The following RNF220 variants were observed in gnomAD, a reference collection of about 807,000 sequenced individuals.
RNF220 encodes ring finger protein 220, also known as E3 ubiquitin-protein ligase RNF220.
Under a neutral mutation model 67.1 loss-of-function variants are expected in RNF220, and 7 were observed. The observed-to-expected ratio is 0.10, with a 90% CI of 0.06 to 0.20. RNF220 has a LOEUF of 0.20. RNF220 is among the 10% of genes least tolerant of loss of function. RNF220 has a pLI of 1.00. For missense variants in RNF220, 565 were observed against 740.3 expected, an observed-to-expected ratio of 0.76 and a Z score of 2.75; for synonymous variants, 270 against 283.2, an observed-to-expected ratio of 0.95 and a Z score of 0.47.
intron 8 of RNF220, chr1:44,636,588 T>G: frequency 3.2e-6 from 2 of 621,792 alleles, no homozygotes; most frequent in Non-Finnish European, 5.9e-6. Context: ...GCAAACACAT[T>G]GGATTTTCCT....
In RNF220 at chr1:44,518,890, A is replaced by C. The variant is rs1288477406; in HGVS notation, c.626-95275A>C. 5.4e-5 allele frequency among the ~76,000 whole-genome samples: 6 copies of C among 110,500 alleles called. No homozygotes were observed. In the East Asian group the frequency reaches 8.1e-4, roughly 15 times the overall value. The allele number at this position is 110,500 out of a possible 152,430, so 72.5% of individuals were successfully genotyped here. A position where few individuals can be genotyped will look rare whatever the true frequency, so the allele number is the denominator to read the frequency against. On this transcript the variant is annotated intron_variant, in intron 2 of 14. Transcript: ENST00000361799. ...ACTCCGTCTAAAAAACAAAAAAAAC[A>C]AAAAAAAAAAAACTTAATCCTGATT... is the stretch of plus-strand genomic sequence containing the variant.
intron 2 of RNF220, among the ~76,000 whole-genome samples, chr1:44,595,981 G>T (rs1159436150): frequency 6.6e-6 from 1 of 152,076 alleles, no homozygotes; most frequent in African/African-American, 2.4e-5. Flanking sequence ...AGCCAGGATG[G>T]TCTCGATCTC....
rs537462309 is a variant in RNF220, at chr1:44,629,714, G to A, written c.907-2629G>A. Among the ~76,000 whole-genome samples, 5 of 152,098 alleles carry A rather than the reference G, an allele frequency of 3.3e-5. No individual in the cohort carries two copies. In the East Asian group the frequency reaches 7.7e-4, roughly 23 times the overall value. ...AAAAAAAATTAATAATAAAGAATAC[G>A]TTTCTAGGATACTACAGTAGAAGGA... On this transcript the variant is annotated intron_variant, in intron 5 of 14. Coordinates refer to ENST00000361799, the MANE Select transcript of RNF220 (RefSeq NM_018150.4).
At chr1:44,474,613 G>A (rs922341247) in intron 2 of RNF220, among the ~76,000 whole-genome samples, 1 of 151,306 alleles carries the variant, frequency 6.6e-6, no homozygotes, top group Non-Finnish European at 1.5e-5. Flanking sequence ...GGAAGCTGAG[G>A]CAGGAATGTC....
chr1:44,476,448 A>AGAAAGCCAAACCTCCAGAAACAATG lies in RNF220; in HGVS notation c.625+63727_625+63751dup, dbSNP rs1430216787. Among the ~76,000 whole-genome samples the AGAAAGCCAAACCTCCAGAAACAATG allele has an allele frequency of 1.1e-4, 16 of 152,254 alleles. No individual in the cohort carries two copies. In the East Asian group the frequency reaches 1.5e-3, roughly 15 times the overall value. Reference sequence around the variant, plus strand: ...GAAGAAATTTAGAGTTAGAAAAGCCAGAAAGCCAAACCTCCAGAAACAATG... The same window carrying AGAAAGCCAAACCTCCAGAAACAATG: ...GAAGAAATTTAGAGTTAGAAAAGCCAGAAAGCCAAACCTCCAGAAACAATGGAAAGCCAAACCTCCAGAAACAATG... On this transcript the variant is annotated intron_variant, in intron 2 of 14. Coordinates refer to ENST00000361799, the MANE Select transcript of RNF220 (RefSeq NM_018150.4).
At chr1:44,551,361 C>T (rs76713344) in intron 2 of RNF220, among the ~76,000 whole-genome samples, 2,654 of 152,048 alleles carry the variant, frequency 0.017, 73 homozygotes, top group African/African-American at 0.06. Context: ...GTGATCCACC[C>T]GCCTGAGCCT....
At chr1:44,566,318 G>A (rs910671585) in intron 2 of RNF220, among the ~76,000 whole-genome samples, 1 of 152,192 alleles carries the variant, frequency 6.6e-6, no homozygotes, top group African/African-American at 2.4e-5. Flanking sequence ...ACAAGGAAGG[G>A]GGCTGAGGTG....
chr1:44,645,176 C>T lies in RNF220; in HGVS notation c.1311-45C>T. 3 of 1,613,772 alleles carry T rather than the reference C, an allele frequency of 1.9e-6. No individual in the cohort carries two copies. Among genetic ancestry groups the T allele is most frequent in the Non-Finnish European group, 2.5e-6 (3 of 1,179,684 alleles). On this transcript the variant is annotated intron_variant, in intron 10 of 14. Coordinates refer to ENST00000361799, the MANE Select transcript of RNF220 (RefSeq NM_018150.4). This position sits in a 1 kb window ranked among gnomAD's most constrained non-coding sequence, Gnocchi z 5.0. Reference sequence around the variant, plus strand: ...GTACTGACCCTCAGGGCTGTCCTGCCCGCCTTCAGGCCTCACTTTGTTTTT... The same window carrying T: ...GTACTGACCCTCAGGGCTGTCCTGCTCGCCTTCAGGCCTCACTTTGTTTTT...
rs1235721512 is a variant in RNF220 at position 44,621,344 on chromosome 1, T to C, written c.759-1398T>C. Among the ~76,000 whole-genome samples the C allele has an allele frequency of 6.6e-6, 1 of 152,212 alleles. No homozygotes were observed. The highest frequency in any genetic ancestry group is 1.5e-5 in the Non-Finnish European group (1 of 68,034). On this transcript the variant is annotated intron_variant, in intron 3 of 14. Coordinates refer to ENST00000361799, the MANE Select transcript of RNF220 (RefSeq NM_018150.4). This position sits in a 1 kb window ranked among gnomAD's most constrained non-coding sequence, Gnocchi z 4.8. ...TGTTGGCAGAATTATAGAAAGTCTA[T>C]GGGTATATATGTGTGCGCCTTTATA...
At chr1:44,561,131 AC>A (rs1165950435) in intron 2 of RNF220, among the ~76,000 whole-genome samples, 1 of 152,260 alleles carries the variant, frequency 6.6e-6, no homozygotes, top group East Asian at 1.9e-4. Flanking sequence ...ATGATTAGAA[AC>A]AGTGTGATAA....
At chr1:44,483,850 A>G (rs995970978) in intron 2 of RNF220, among the ~76,000 whole-genome samples, 3 of 152,152 alleles carry the variant, frequency 2.0e-5, no homozygotes, top group Non-Finnish European at 2.9e-5. Context: ...TTCTGCCTTG[A>G]GCCTTCCAAA....
chr1:44,584,716 T>G (rs1413122141), intron 2 of RNF220, among the ~76,000 whole-genome samples: 6 of 152,236 alleles, frequency 3.9e-5, no homozygotes, highest in Admixed American at 3.9e-4. Flanking sequence ...TTTTTTCTTT[T>G]GAGACTGAGT....
intron 2 of RNF220, among the ~76,000 whole-genome samples, chr1:44,531,048 G>A (rs1222549824): frequency 3.3e-5 from 5 of 152,288 alleles, no homozygotes; most frequent in South Asian, 2.1e-4. Context: ...AGAGATTTAC[G>A]TTTAGGGATT....
intron 2 of RNF220, among the ~76,000 whole-genome samples, chr1:44,466,206 T>G (rs1654262592): frequency 6.6e-6 from 1 of 152,242 alleles, no homozygotes; most frequent in Admixed American, 6.5e-5. Flanking sequence ...AGAAACCACT[T>G]TGTTTGCTCA....
At chr1:44,430,640 G>T (rs11210999) in intron 2 of RNF220, among the ~76,000 whole-genome samples, 61,288 of 151,988 alleles carry the variant, frequency 0.4, 12,709 homozygotes, top group Non-Finnish European at 0.45. Flanking sequence ...CCGCCTCCTG[G>T]GTTCAAGCAG....
chr1:44,561,304 G>C (rs759488472), intron 2 of RNF220, among the ~76,000 whole-genome samples: 7 of 152,140 alleles, frequency 4.6e-5, no homozygotes, highest in Non-Finnish European at 7.3e-5. Context: ...GAGGTCAGGA[G>C]TTCAAGACTA....
chr1:44,613,252 G>A (rs544843868), intron 2 of RNF220, among the ~76,000 whole-genome samples: 26 of 149,760 alleles, frequency 1.7e-4, no homozygotes, highest in Middle Eastern at 7.0e-3. Flanking sequence ...CCCCACTCCT[G>A]TAAGCAGAGG....
chr1:44,499,666 A>C (rs1657653429), intron 2 of RNF220, among the ~76,000 whole-genome samples: 1 of 151,044 alleles, frequency 6.6e-6, no homozygotes, highest in Non-Finnish European at 1.5e-5. Context: ...CCAGGGCTTC[A>C]TACCAGCTCC....
At chr1:44,541,321 G>A (rs529987265) in intron 2 of RNF220, among the ~76,000 whole-genome samples, 2 of 152,162 alleles carry the variant, frequency 1.3e-5, no homozygotes, top group Admixed American at 6.5e-5. Flanking sequence ...CCAGCTACTC[G>A]GGAGGCTGAG....
Sources: allele counts gnomAD v4.1 joint callset (sites outside exome capture counted in the v4.1 genomes callset), GRCh38; gene constraint gnomAD v4.1.1; non-coding constraint Gnocchi (gnomAD v3.1); transcripts MANE v1.5; gene names NCBI Gene and HGNC (gene_info 2026-07-23, HGNC 2026-07-21).